ENOSF1: variants seen among roughly 807,000 people sequenced by gnomAD.
The protein encoded by ENOSF1 is enolase superfamily member 1, also known as mitochondrial enolase superfamily member 1.
In ENOSF1, 73 loss-of-function variants were observed where a neutral mutation model predicts 68.2. The observed-to-expected ratio is 1.07, with a 90% CI of 0.89 to 1.30. The LOEUF is 1.30. ENOSF1 is among the 50% of genes most tolerant of loss of function. The pLI is 0.00. For synonymous variants in ENOSF1, 223 were observed against 210.4 expected, an observed-to-expected ratio of 1.06 and a Z score of -0.52; for missense variants, 589 against 554.5, an observed-to-expected ratio of 1.06 and a Z score of -0.62.
intron 2 of ENOSF1, among the ~76,000 whole-genome samples, chr18:705,574 A>C (rs1386473041): frequency 6.6e-6 from 1 of 152,182 alleles, no homozygotes; most frequent in Admixed American, 6.6e-5. Flanking sequence ...AGAAAATGCA[A>C]ATAAAAAAAG....
At chr18:683,672 C>A (rs1230346697) in intron 10 of ENOSF1, among the ~76,000 whole-genome samples, 2 of 152,128 alleles carry the variant, frequency 1.3e-5, no homozygotes, top group African/African-American at 2.4e-5. Flanking sequence ...CTCGCTGGCC[C>A]TGGGCTCTGG....
chr18:709,948 G>A (rs1197945378), intron 1 of ENOSF1, among the ~76,000 whole-genome samples: 1 of 152,134 alleles, frequency 6.6e-6, no homozygotes, highest in Admixed American at 6.5e-5. Context: ...CTAATAAGAA[G>A]GCACTTGAGA....
At chr18:693,007 G>A (rs991379867) in intron 5 of ENOSF1, 1 of 1,200,866 alleles carries the variant, frequency 8.3e-7, no homozygotes, top group African/African-American at 1.6e-5. Context: ...CCGCCACCCA[G>A]GTGTTGCACT....
In ENOSF1 at chr18:712,308, C is replaced by T. The variant is rs1029094727; in HGVS notation, c.84+196G>A. On this transcript the variant is annotated intron_variant, in intron 1 of 15. Coordinates refer to ENST00000647584, the MANE Select transcript of ENOSF1 (RefSeq NM_017512.7). ...AAGTCGGGAAGCTGCCCGGGGCCCG[C>T]AGAGCTGCAGTCGGCGGGGCGGGAG... 5.4e-6 allele frequency: 8 copies of T among 1,485,690 alleles called. 2 individuals are homozygous for T. Among genetic ancestry groups the T allele is most frequent in the South Asian group, 3.6e-5 (3 of 82,520 alleles). 92.0% of individuals were successfully genotyped at this position (1,485,690 alleles called of 1,614,324 possible).
In ENOSF1 at chr18:674,357, T is replaced by C; in HGVS notation, c.1280A>G (p.Gln427Arg). 6.2e-7 allele frequency: 1 copy of C among 1,613,318 alleles called. No individual in the cohort carries two copies. Among genetic ancestry groups the C allele is most frequent in the South Asian group, 1.1e-5 (1 of 90,954 alleles). ...EMKEESVKKHQYPDGEVWKKL... is the reference protein window; with the variant it reads ...EMKEESVKKHRYPDGEVWKKL... ...CTTCCAAACTTCACCATCTGGATAC[T>C]GGTGTTTCTTTACAGATTCCTCCTT... is the stretch of plus-strand genomic sequence containing the variant. Residue 427 changes from glutamine (Q) to arginine (R), a missense_variant, in exon 16 of 16, where the codon CAG becomes CGG. Coordinates refer to ENST00000647584, the MANE Select transcript of ENOSF1 (RefSeq NM_017512.7).
At position 682,911 on chromosome 18, in the gene ENOSF1, C is replaced by A. The variant is rs537354518; in HGVS notation, c.876+335G>T. 5.0e-4 allele frequency: 98 copies of A among 195,984 alleles called. 2 individuals carry two copies. The highest frequency in any genetic ancestry group is 2.2e-3 in the South Asian group (22 of 10,098). 12.1% of individuals were successfully genotyped at this position (195,984 alleles called of 1,614,324 possible). A position where few individuals can be genotyped will look rare whatever the true frequency, so the allele number is the denominator to read the frequency against. On this transcript the variant is annotated intron_variant, in intron 11 of 15. Coordinates refer to ENST00000647584, the MANE Select transcript of ENOSF1 (RefSeq NM_017512.7). Reference sequence around the variant, plus strand: ...ACAAAACAAAACAAAACAAAAAAAACCACCAAAAAACAAAAAAAAAAAATG... The same window carrying A: ...ACAAAACAAAACAAAACAAAAAAAAACACCAAAAAACAAAAAAAAAAAATG...
chr18:699,478 AAATAATAATAAT>A (rs147506890), intron 2 of ENOSF1, among the ~76,000 whole-genome samples: 7 of 148,998 alleles, frequency 4.7e-5, no homozygotes, highest in African/African-American at 1.5e-4. Context: ...GCCCTGTCTC[AAATAATAATAAT>A]AATAATAATA....
At chr18:687,731 AG>A (rs1190139182) in intron 9 of ENOSF1, 1 of 152,664 alleles carries the variant, frequency 6.6e-6, no homozygotes, top group Non-Finnish European at 1.5e-5. Flanking sequence ...GAGAGTCAGA[AG>A]GGAGAAGTGC....
chr18:705,785 G>A (rs2078862245), intron 2 of ENOSF1, among the ~76,000 whole-genome samples: 1 of 152,228 alleles, frequency 6.6e-6, no homozygotes, highest in African/African-American at 2.4e-5. Flanking sequence ...GAGACAGGCG[G>A]ATCATTTGAG....
At chr18:690,439 A>G (rs2077028233) in intron 8 of ENOSF1, 110 bp downstream of exon 8, 4 of 1,218,884 alleles carry the variant, frequency 3.3e-6, no homozygotes, top group Non-Finnish European at 4.8e-6. Flanking sequence ...AAAACCACAC[A>G]CATCTGGTGT....
In ENOSF1 at chr18:691,067, CCT is replaced by C. The variant is rs777840259; in HGVS notation, c.534_535del (p.Lys180AlafsTer22). 5.1e-5 allele frequency: 82 copies of C among 1,614,174 alleles called. No individual in the cohort carries two copies. Among genetic ancestry groups the C allele is most frequent in the African/African-American group, 4.8e-4 (36 of 75,056 alleles). On this transcript the variant is annotated frameshift_variant and splice_region_variant, in exon 7 of 16. Transcript: ENST00000647584. LOFTEE classifies it high-confidence loss of function. Reference sequence around the variant, plus strand: ...ATGAAGAAAATTTTCTTACAACCCACCTCTTTCTTTTTTACCAATTTGACCTT... The same window carrying C: ...ATGAAGAAAATTTTCTTACAACCCACCTTTCTTTTTTACCAATTTGACCTT...
At chr18:697,109 TC>T (rs879517448) in intron 3 of ENOSF1, 130 bp downstream of exon 3, 10 of 727,424 alleles carry the variant, frequency 1.4e-5, no homozygotes, top group Non-Finnish European at 2.4e-5. Context: ...AGAGTGAGAC[TC>T]CATCTCAAAA....
downstream of ENOSF1, among the ~76,000 whole-genome samples, chr18:667,483 ATGGT>A: frequency 3.2e-5 from 1 of 31,220 alleles, no homozygotes; most frequent in Non-Finnish European, 5.6e-5. Flanking sequence ...GGTGATGGTG[ATGGT>A]GATGGTGATG....
intron 9 of ENOSF1, chr18:686,280 C>T (rs1203776215): frequency 1.1e-5 from 4 of 373,136 alleles, no homozygotes; most frequent in Admixed American, 4.3e-5. Flanking sequence ...TAATTAACTC[C>T]GTTTTTGCCG....
At chr18:686,080 G>A (rs1568053445) in intron 9 of ENOSF1, 72 bp from the exon 10 acceptor site, 11 of 1,032,712 alleles carry the variant, frequency 1.1e-5, no homozygotes, top group Non-Finnish European at 1.7e-5. Flanking sequence ...AGTTTCTGCA[G>A]AAGTGACCGT....
At chr18:664,088 ATC>A in the ENOSF1 span, among the ~76,000 whole-genome samples, 1 of 146,972 alleles carries the variant, frequency 6.8e-6, no homozygotes, top group African/African-American at 2.6e-5. Context: ...ATGGCATTGA[ATC>A]TATAAATTAC....
chr18:702,000 A>T (rs1238209516), intron 2 of ENOSF1, among the ~76,000 whole-genome samples: 1 of 151,686 alleles, frequency 6.6e-6, no homozygotes, highest in Non-Finnish European at 1.5e-5. Context: ...CTTATAGCTT[A>T]TGCCTGCAAT....
At chr18:696,452 C>CT (rs1314888448) in intron 3 of ENOSF1, among the ~76,000 whole-genome samples, 1 of 151,982 alleles carries the variant, frequency 6.6e-6, no homozygotes, top group Admixed American at 6.5e-5. Flanking sequence ...ACCTCGTGAT[C>CT]TGCCTGCCTT....
chr18:671,294 G>A lies in ENOSF1; in HGVS notation c.*3011C>T, dbSNP rs778936753. 120 of 889,218 alleles carry A rather than the reference G, an allele frequency of 1.3e-4. 1 individual carries two copies. The highest frequency in any genetic ancestry group is 1.8e-4 in the Non-Finnish European group (98 of 532,218). 55.1% of individuals were successfully genotyped at this position (889,218 alleles called of 1,614,324 possible). On this transcript the variant is annotated 3_prime_UTR_variant, in exon 16 of 16. Coordinates refer to ENST00000647584, the MANE Select transcript of ENOSF1 (RefSeq NM_017512.7). ...ATTATTTTTTTAAAAAAAGCCTTGC[G>A]GTGTCTGCATATTCTAATGTTTTTA...
Sources: gnomAD v4.1 joint callset for allele counts (sites outside exome capture counted in the v4.1 genomes callset) on GRCh38, gnomAD v4.1.1 for gene constraint, MANE v1.5 for transcripts, NCBI Gene and HGNC (gene_info 2026-07-23, HGNC 2026-07-21) for gene names.